The following IQSEC2 variants were observed in gnomAD, a reference collection of about 807,000 sequenced individuals.
The protein encoded by IQSEC2 is IQ motif and SEC7 domain-containing protein 2.
In IQSEC2, 6 loss-of-function variants were observed where a neutral mutation model predicts 74.6. That is an observed-to-expected ratio of 0.08 (90% CI 0.04 to 0.16). IQSEC2 has a LOEUF of 0.16. Ranked by LOEUF, IQSEC2 falls within the 10% of genes least tolerant of loss-of-function variation. The probability of loss-of-function intolerance (pLI) is 1.00; values close to 1 mark genes in which losing one functional copy is unlikely to be tolerated. For missense variants in IQSEC2, 734 were observed against 1,306.2 expected (o/e 0.56, Z 6.75); for synonymous variants, 494 against 544.5 (o/e 0.91, Z 1.29).
intron 2 of IQSEC2, chrX:53,281,547 G>A: frequency 8.7e-7 from 1 of 1,148,727 alleles, no homozygotes; most frequent in Non-Finnish European, 1.2e-6. Flanking sequence ...CCAAGGGCAG[G>A]CCCCCTGGCC....
chrX:53,240,012 T>C (rs148960429), intron 10 of IQSEC2, among the ~76,000 whole-genome samples: 4,196 of 111,864 alleles, frequency 0.038, 188 homozygotes, highest in African/African-American at 0.13. Context: ...GTGCCTAGCA[T>C]AGAGCTGGAC....
intron 2 of IQSEC2, chrX:53,281,629 G>A (rs1306050069): frequency 2.2e-5 from 21 of 942,678 alleles, no homozygotes; most frequent in East Asian, 3.7e-5. Flanking sequence ...CCAAGAAGGC[G>A]GGGCCAGGCC....
intron 1 of IQSEC2, among the ~76,000 whole-genome samples, chrX:53,311,884 A>G (rs1401426004): frequency 3.6e-5 from 4 of 111,599 alleles, no homozygotes; most frequent in African/African-American, 1.3e-4. Context: ...ACGCCACTTC[A>G]CTCCAGCCTG....
At chrX:53,279,227 G>T (rs2074896876) in intron 2 of IQSEC2, 2 of 226,251 alleles carry the variant, frequency 8.8e-6, no homozygotes, top group Non-Finnish European at 1.6e-5. Flanking sequence ...TGGGCAGATT[G>T]TTCCCTCTGC....
At chrX:53,283,113 G>A (rs1432763359) in intron 2 of IQSEC2, among the ~76,000 whole-genome samples, 1 of 112,530 alleles carries the variant, frequency 8.9e-6, no homozygotes, top group Non-Finnish European at 1.9e-5. Context: ...CTACTTGGGA[G>A]GCTGAGGTGG....
chrX:53,280,148 C>A (rs944782144), intron 2 of IQSEC2, among the ~76,000 whole-genome samples: 8 of 95,018 alleles, frequency 8.4e-5, no homozygotes, highest in Non-Finnish European at 1.5e-4. Flanking sequence ...GGGAAGGGAG[C>A]CCTCCTCACA....
chrX:53,236,186 C>T (rs1205403325), intron 13 of IQSEC2, 136 bp downstream of exon 13: 31 of 740,548 alleles, frequency 4.2e-5, no homozygotes, highest in South Asian at 5.0e-5. Context: ...TGTGGCGCAG[C>T]GCCCAGGGCT....
chrX:53,288,095 A>C (rs1330703147), intron 2 of IQSEC2, among the ~76,000 whole-genome samples: 7 of 111,396 alleles, frequency 6.3e-5, no homozygotes, highest in African/African-American at 2.3e-4. Context: ...CAGGGTGGGC[A>C]ACCGGGCTGA....
At position 53,233,983 on chromosome X, in the gene IQSEC2, C is replaced by T. The variant is rs1467689580; in HGVS notation, c.*236G>A. 8 of 299,553 alleles carry T rather than the reference C, an allele frequency of 2.7e-5. No individual in the cohort carries two copies. The highest frequency in any genetic ancestry group is 4.6e-5 in the Non-Finnish European group (8 of 172,468). The allele number at this position is 299,553 out of a possible 1,213,427, so 24.7% of individuals were successfully genotyped here. A position where few individuals can be genotyped will look rare whatever the true frequency, so the allele number is the denominator to read the frequency against. On this transcript the variant is annotated 3_prime_UTR_variant, in exon 15 of 15. Coordinates refer to ENST00000642864, the MANE Select transcript of IQSEC2 (RefSeq NM_001111125.3). ...CTGGAAGGCCCTCACCACTCCCCAG[C>T]GCTGGAGCACCCTGAGTCCAGGCTT...
At chrX:53,307,715 G>A (rs1325676437) in intron 1 of IQSEC2, among the ~76,000 whole-genome samples, 3 of 105,253 alleles carry the variant, frequency 2.9e-5, no homozygotes, top group African/African-American at 1.0e-4. Context: ...GACTAACCTG[G>A]CCAACATGGT....
chrX:53,281,440 G>T, intron 2 of IQSEC2: 1 of 679,422 alleles, frequency 1.5e-6, no homozygotes, highest in South Asian at 2.9e-5. Context: ...CCCAGGGACT[G>T]GGTCCAGGCC....
chrX:53,273,681 T>C (rs782578838), intron 2 of IQSEC2, among the ~76,000 whole-genome samples: 66 of 112,271 alleles, frequency 5.9e-4, no homozygotes, highest in African/African-American at 2.1e-3. Context: ...CTTACAAAAA[T>C]GGGATTATAC....
chrX:53,314,477 G>A (rs982965902), intron 1 of IQSEC2, among the ~76,000 whole-genome samples: 11 of 111,707 alleles, frequency 9.8e-5, no homozygotes, highest in African/African-American at 3.3e-4. Flanking sequence ...CTCATTGAGA[G>A]GGTCAAGGAT....
intron 2 of IQSEC2, among the ~76,000 whole-genome samples, chrX:53,271,857 G>A (rs1402733744): frequency 3.6e-5 from 4 of 111,534 alleles, no homozygotes; most frequent in Non-Finnish European, 7.5e-5. Flanking sequence ...TGAGGGGAAT[G>A]CAAACCCCTT....
intron 1 of IQSEC2, among the ~76,000 whole-genome samples, chrX:53,310,947 C>A (rs1386554115): frequency 9.5e-6 from 1 of 105,550 alleles, no homozygotes; most frequent in Non-Finnish European, 1.9e-5. Context: ...ATGGAGAAAC[C>A]CTGTCTCTAC....
At chrX:53,309,222 A>G (rs2075297538) in intron 1 of IQSEC2, among the ~76,000 whole-genome samples, 1 of 111,720 alleles carries the variant, frequency 9.0e-6, no homozygotes, top group Non-Finnish European at 1.9e-5. Flanking sequence ...GTTGATAAAT[A>G]GGAAATACCC....
In IQSEC2 at chrX:53,233,541, T is replaced by C. The variant is rs1402107021; in HGVS notation, c.*678A>G. 2 of 153,336 alleles carry C rather than the reference T, an allele frequency of 1.3e-5. No individual in the cohort carries two copies. The highest frequency in any genetic ancestry group is 2.5e-5 in the Non-Finnish European group (2 of 79,900). The allele number at this position is 153,336 out of a possible 1,213,427, so 12.6% of individuals were successfully genotyped here. On this transcript the variant is annotated 3_prime_UTR_variant, in exon 15 of 15. Coordinates refer to ENST00000642864, the MANE Select transcript of IQSEC2 (RefSeq NM_001111125.3). ...AACGTTGCAGGGCGAGGCAAGTTCC[T>C]GAAGCCGAAGAGGTCTGGGCTGGGG...
chrX:53,302,850 T>C (rs1325519660), intron 1 of IQSEC2, among the ~76,000 whole-genome samples: 2 of 110,042 alleles, frequency 1.8e-5, no homozygotes, highest in Non-Finnish European at 1.9e-5. Context: ...AGTGAGAGGA[T>C]TGCTTGAGCC....
At position 53,320,874 on chromosome X, in the gene IQSEC2, C is replaced by A; in HGVS notation, c.250G>T (p.Gly84Cys). 8.6e-7 allele frequency: 1 copy of A among 1,164,763 alleles called. No individual in the cohort carries two copies. The highest frequency in any genetic ancestry group is 1.9e-5 in the South Asian group (1 of 52,544). ...AGGTTCTGGTACTGGCTCTCGCGGC[C>A]CGGGCTATCCCGCGCGCCGTGGGGG... ...RDPHGARDSP[G>C]RESQYQNLRE... is the part of the protein sequence containing the mutation. Residue 84 changes from glycine to cysteine, a missense_variant, in exon 1 of 15, where the codon GGC (glycine) becomes TGC (cysteine). Gly to Cys is a radical substitution (Grantham distance 159). This residue lies in a region of IQSEC2 where 134 missense variants were observed against 214.9 expected (regional missense o/e 0.62). Transcript: ENST00000642864.
Sources: allele counts gnomAD v4.1 joint callset (sites outside exome capture counted in the v4.1 genomes callset), GRCh38; gene constraint gnomAD v4.1.1; regional missense constraint gnomAD v4.1.1; transcripts MANE v1.5; gene names NCBI Gene and HGNC (gene_info 2026-07-23, HGNC 2026-07-21).